Variants in ASTN2 observed in about 807,000 individuals in gnomAD.
ASTN2 encodes the protein astrotactin-2.
Under a neutral mutation model 139.8 loss-of-function variants are expected in ASTN2, and 54 were observed. The ratio of observed to expected loss-of-function variants is 0.39; its 90% CI spans 0.31 to 0.48. The LOEUF (loss-of-function observed/expected upper bound fraction) is 0.48, where lower values mean the gene tolerates loss of function less well. Ranked by LOEUF, ASTN2 falls within the 20% of genes least tolerant of loss-of-function variation. ASTN2 has a pLI of 0.95. For missense variants in ASTN2, 1,565 were observed against 1,725.1 expected, an observed-to-expected ratio of 0.91 and a Z score of 1.64; for synonymous variants, 756 against 719.5, an observed-to-expected ratio of 1.05 and a Z score of -0.81.
At chr9:116,692,277 G>A (rs1016837315) in intron 16 of ASTN2, among the ~76,000 whole-genome samples, 2 of 152,018 alleles carry the variant, frequency 1.3e-5, no homozygotes, top group Admixed American at 1.3e-4. Flanking sequence ...TTTCTAGGAG[G>A]GCTTAGAATT....
chr9:116,559,255 C>T (rs1009626559), intron 19 of ASTN2, among the ~76,000 whole-genome samples: 26 of 152,154 alleles, frequency 1.7e-4, no homozygotes, highest in Admixed American at 1.4e-3. Context: ...AACCTTATTC[C>T]GTCCCACAAA....
At chr9:117,071,965 C>T (rs539440520) in intron 5 of ASTN2, among the ~76,000 whole-genome samples, 3 of 152,308 alleles carry the variant, frequency 2.0e-5, no homozygotes, top group South Asian at 2.1e-4. Flanking sequence ...AGAAATCACC[C>T]GTCTTCTGAG....
chr9:116,607,954 C>A (rs764732162), intron 19 of ASTN2, among the ~76,000 whole-genome samples: 1 of 152,132 alleles, frequency 6.6e-6, no homozygotes, highest in African/African-American at 2.4e-5. Flanking sequence ...GAGCGAGACT[C>A]CGTCTCAAAC....
intron 16 of ASTN2, among the ~76,000 whole-genome samples, chr9:116,668,102 C>A (rs1305645438): frequency 6.6e-6 from 1 of 152,014 alleles, no homozygotes; most frequent in Non-Finnish European, 1.5e-5. Context: ...CTCCTGGAAA[C>A]CTGGAAACTC....
chr9:117,339,189 C>T (rs1242745036), intron 1 of ASTN2, among the ~76,000 whole-genome samples: 1 of 152,114 alleles, frequency 6.6e-6, no homozygotes, highest in African/African-American at 2.4e-5. Flanking sequence ...TCACATCTAG[C>T]CCATGAGGCA....
chr9:116,948,785 GTTTTTTT>G (rs58832163), intron 10 of ASTN2, among the ~76,000 whole-genome samples: 2 of 49,472 alleles, frequency 4.0e-5, no homozygotes, highest in Admixed American at 3.8e-4. Context: ...ATAATTTGGT[GTTTTTTT>G]TTTTTTTTTT....
intron 2 of ASTN2, among the ~76,000 whole-genome samples, chr9:117,252,155 G>A (rs1253215237): frequency 6.6e-6 from 1 of 152,148 alleles, no homozygotes; most frequent in East Asian, 1.9e-4. Context: ...TGGAGATCAA[G>A]GCCAGGCTCA....
chr9:117,118,896 C>T (rs1484570998), intron 4 of ASTN2, among the ~76,000 whole-genome samples: 2 of 152,176 alleles, frequency 1.3e-5, no homozygotes, highest in Admixed American at 1.3e-4. Flanking sequence ...AAGATACTCC[C>T]TTCCTCCACC....
chr9:116,732,868 C>G (rs1828825358), intron 14 of ASTN2, among the ~76,000 whole-genome samples: 1 of 152,140 alleles, frequency 6.6e-6, no homozygotes, highest in Non-Finnish European at 1.5e-5. Context: ...TCCCTTCTAC[C>G]TCTCTAAGTA....
At chr9:116,842,509 G>A in intron 11 of ASTN2, among the ~76,000 whole-genome samples, 2 of 151,928 alleles carry the variant, frequency 1.3e-5, no homozygotes, top group Non-Finnish European at 2.9e-5. Flanking sequence ...TGTGCTTCCT[G>A]GCATATAAGT....
chr9:117,372,182 T>C (rs894358424), intron 1 of ASTN2, among the ~76,000 whole-genome samples: 6 of 152,166 alleles, frequency 3.9e-5, no homozygotes, highest in Non-Finnish European at 7.4e-5. Context: ...ATCCAGTCAA[T>C]GCAATGACTC....
At chr9:116,991,448 T>C (rs897262868) in intron 7 of ASTN2, among the ~76,000 whole-genome samples, 2 of 152,182 alleles carry the variant, frequency 1.3e-5, no homozygotes, top group African/African-American at 2.4e-5. Flanking sequence ...ATTGCCAGCA[T>C]TGGGGGGTTC....
At chr9:116,619,451 C>T (rs1856012457) in intron 18 of ASTN2, among the ~76,000 whole-genome samples, 1 of 152,056 alleles carries the variant, frequency 6.6e-6, no homozygotes, top group African/African-American at 2.4e-5. Context: ...ATTCCCTCTT[C>T]CTTCCAACTA....
At chr9:116,430,352 A>C (rs906716729) in intron 22 of ASTN2, among the ~76,000 whole-genome samples, 6 of 152,200 alleles carry the variant, frequency 3.9e-5, no homozygotes, top group African/African-American at 1.4e-4. Context: ...GTGAAGATGA[A>C]GTGTTGGCTC....
rs372744850 is a variant in ASTN2 at position 116,884,926 on chromosome 9, C to A, written c.1890-21193G>T. On this transcript the variant is annotated intron_variant, in intron 10 of 22. Coordinates refer to ENST00000313400, the MANE Select transcript of ASTN2 (RefSeq NM_001365068.1). ...CGCCTCCTGGGTTCATGCCATTCTC[C>A]TGCCTCAGCCTCCTGAGTAGCTGGG... Among the ~76,000 whole-genome samples the A allele has an allele frequency of 2.5e-3, 385 of 151,578 alleles. 2 individuals carry two copies. The highest frequency in any genetic ancestry group is 9.1e-3 in the African/African-American group (377 of 41,314).
chr9:116,827,312 C>T (rs868635077), intron 11 of ASTN2, among the ~76,000 whole-genome samples: 1 of 77,314 alleles, frequency 1.3e-5, no homozygotes, highest in Non-Finnish European at 2.5e-5. Context: ...TCCATCCCCC[C>T]CAAAAAAAAA....
intron 19 of ASTN2, among the ~76,000 whole-genome samples, chr9:116,545,463 C>T (rs1852053264): frequency 6.6e-6 from 1 of 152,184 alleles, no homozygotes; most frequent in South Asian, 2.1e-4. Flanking sequence ...TTCCAAGAAA[C>T]CTTACACATA....
At chr9:117,304,390 G>A (rs1587930074) in intron 1 of ASTN2, among the ~76,000 whole-genome samples, 1 of 152,110 alleles carries the variant, frequency 6.6e-6, no homozygotes, top group Admixed American at 6.5e-5. Flanking sequence ...CCAAGTCTCT[G>A]AGCTTCTTAA....
In ASTN2 at chr9:117,263,560, T is replaced by C. The variant is rs140425921; in HGVS notation, c.630+27766A>G. On this transcript the variant is annotated intron_variant, in intron 2 of 22. Transcript: ENST00000313400. ...GCTATCGTATAGCTTCAGTCATTGA[T>C]TCTTACGTCCTGAGGCCACACAGGA... is the stretch of plus-strand genomic sequence containing the variant. 4.4e-3 allele frequency among the ~76,000 whole-genome samples: 663 copies of C among 152,322 alleles called. 3 individuals are homozygous for C. Among genetic ancestry groups the C allele is most frequent in the Non-Finnish European group, 4.8e-3 (325 of 68,028 alleles).
Sources: gnomAD v4.1 joint callset for allele counts (sites outside exome capture counted in the v4.1 genomes callset) on GRCh38, gnomAD v4.1.1 for gene constraint, MANE v1.5 for transcripts, NCBI Gene and HGNC (gene_info 2026-07-23, HGNC 2026-07-21) for gene names.